The following CFAP58 variants were observed in gnomAD, a reference collection of about 807,000 sequenced individuals.
CFAP58 encodes cilia- and flagella-associated protein 58.
A neutral mutation model predicts 119.5 loss-of-function variants in CFAP58; 88 were observed. The ratio of observed to expected loss-of-function variants is 0.74; its 90% CI spans 0.62 to 0.88. CFAP58 has a LOEUF of 0.88. Among genes scored for constraint, CFAP58 ranks in the 40% least tolerant of loss-of-function variants. The probability of loss-of-function intolerance (pLI) is 0.00; values close to 1 mark genes in which losing one functional copy is unlikely to be tolerated. For synonymous variants in CFAP58, 365 were observed against 366.3 expected (o/e 1.00, Z 0.04); for missense variants, 990 against 1,021.2 (o/e 0.97, Z 0.42).
At chr10:104,389,346 C>T (rs1419547806) in intron 9 of CFAP58, among the ~76,000 whole-genome samples, 2 of 152,198 alleles carry the variant, frequency 1.3e-5, no homozygotes, top group Non-Finnish European at 2.9e-5. Context: ...TGCAGAAAGA[C>T]AGACCATGCT....
rs970294253 is a variant in CFAP58, at chr10:104,410,942, C to T, written c.2256+4149C>T. ...CTTTATCTCTATTTATTTATTTATT[C>T]ATTTATTTATTTTTTGAGATGGAGT... On this transcript the variant is annotated intron_variant, in intron 15 of 17. Coordinates refer to ENST00000369704, the MANE Select transcript of CFAP58 (RefSeq NM_001008723.2). 6.0e-5 allele frequency among the ~76,000 whole-genome samples: 9 copies of T among 150,890 alleles called. No homozygotes were observed. The South Asian group carries it at 1.3e-3, about 21-fold the overall frequency.
At chr10:104,394,036 C>T (rs1319034077) in intron 11 of CFAP58, among the ~76,000 whole-genome samples, 1 of 152,218 alleles carries the variant, frequency 6.6e-6, no homozygotes, top group Non-Finnish European at 1.5e-5. Context: ...AACTTTGCAG[C>T]TGCTCTTCCA....
chr10:104,436,740 G>A lies in CFAP58; in HGVS notation c.2257-10958G>A, dbSNP rs115110098. 5.5e-3 allele frequency among the ~76,000 whole-genome samples: 838 copies of A among 152,142 alleles called. 10 individuals carry two copies. The highest frequency in any genetic ancestry group is 0.019 in the African/African-American group (781 of 41,476). On this transcript the variant is annotated intron_variant, in intron 15 of 17. Transcript: ENST00000369704. ...TGAGATTGGGTCAGGGACAAATATC[G>A]AAACTATATCAGCTTCTAACTGCCT...
intron 15 of CFAP58, among the ~76,000 whole-genome samples, chr10:104,424,821 G>A (rs1263379959): frequency 6.6e-6 from 1 of 152,210 alleles, no homozygotes; most frequent in Non-Finnish European, 1.5e-5. Context: ...GAGCAGGGGA[G>A]ATGAGTAAGA....
chr10:104,356,953 C>T (rs989327893), intron 1 of CFAP58, among the ~76,000 whole-genome samples: 6 of 152,168 alleles, frequency 3.9e-5, no homozygotes, highest in African/African-American at 1.4e-4. Context: ...ACCCATTCTT[C>T]TTCATTATTA....
intron 15 of CFAP58, among the ~76,000 whole-genome samples, chr10:104,440,755 T>C (rs2013024054): frequency 6.6e-6 from 1 of 152,182 alleles, no homozygotes; most frequent in African/African-American, 2.4e-5. Flanking sequence ...AATTTGTCCT[T>C]TGATAGTGAA....
chr10:104,370,795 A>G, intron 6 of CFAP58, 100 bp from the exon 7 acceptor site: 2 of 1,095,358 alleles, frequency 1.8e-6, no homozygotes, highest in South Asian at 1.9e-5. Flanking sequence ...TTAAAATGCC[A>G]TGGGAAGAAT....
chr10:104,435,371 A>T (rs761611056), intron 15 of CFAP58, among the ~76,000 whole-genome samples: 1 of 152,180 alleles, frequency 6.6e-6, no homozygotes, highest in Non-Finnish European at 1.5e-5. Flanking sequence ...GTATTCAGCT[A>T]CTTGGGAGGC....
intron 2 of CFAP58, among the ~76,000 whole-genome samples, chr10:104,360,318 G>C (rs948982566): frequency 2.6e-5 from 4 of 152,130 alleles, no homozygotes; most frequent in Admixed American, 2.6e-4. Flanking sequence ...AGGCTTAATT[G>C]GTTCATGGTT....
At chr10:104,358,715 T>C in intron 2 of CFAP58, 93 bp downstream of exon 2, 1 of 1,152,944 alleles carries the variant, frequency 8.7e-7, no homozygotes, top group Non-Finnish European at 1.2e-6. Context: ...AATGAGTTAT[T>C]AGGTAAAAAT....
intron 15 of CFAP58, among the ~76,000 whole-genome samples, chr10:104,412,016 A>G (rs1314282708): frequency 2.0e-5 from 3 of 152,146 alleles, no homozygotes; most frequent in Non-Finnish European, 4.4e-5. Context: ...TGCAATATAT[A>G]TCTATTCACT....
At chr10:104,394,652 T>C (rs1303643900) in intron 11 of CFAP58, among the ~76,000 whole-genome samples, 1 of 152,232 alleles carries the variant, frequency 6.6e-6, no homozygotes, top group Non-Finnish European at 1.5e-5. Context: ...ACAAAAAAGA[T>C]ATTGTAACTG....
intron 16 of CFAP58, among the ~76,000 whole-genome samples, chr10:104,448,711 A>G (rs2013149026): frequency 6.6e-6 from 1 of 152,260 alleles, no homozygotes; most frequent in African/African-American, 2.4e-5. Context: ...AAATGAAACA[A>G]GTCTAATTAG....
chr10:104,423,823 G>C (rs547789840), intron 15 of CFAP58, among the ~76,000 whole-genome samples: 4 of 152,134 alleles, frequency 2.6e-5, no homozygotes, highest in Non-Finnish European at 4.4e-5. Flanking sequence ...ACAAGGACCC[G>C]GGGGAGTCCT....
intron 15 of CFAP58, 104 bp from the exon 16 acceptor site, chr10:104,447,581 TGTGGAGCTGTGAA>T: frequency 8.2e-7 from 1 of 1,215,596 alleles, no homozygotes; most frequent in South Asian, 1.4e-5. Flanking sequence ...ATGTGATCAC[TGTGGAGCTGTGAA>T]GTAGCTTGGG....
At chr10:104,442,587 C>CAAAA (rs1210585369) in intron 15 of CFAP58, among the ~76,000 whole-genome samples, 1 of 65,558 alleles carries the variant, frequency 1.5e-5, no homozygotes, top group Non-Finnish European at 3.2e-5. Flanking sequence ...GACTCCATTT[C>CAAAA]AAAAAAAAAA....
chr10:104,358,002 T>G (rs150522818), intron 1 of CFAP58, among the ~76,000 whole-genome samples: 2 of 133,148 alleles, frequency 1.5e-5, no homozygotes, highest in African/African-American at 5.8e-5. Context: ...TATGTACACA[T>G]ATATACACAT....
chr10:104,358,696 C>A, intron 2 of CFAP58, 74 bp downstream of exon 2: 2 of 1,377,704 alleles, frequency 1.5e-6, no homozygotes, highest in Non-Finnish European at 2.0e-6. Flanking sequence ...CACCTCTAGG[C>A]TGGTAGTAAA....
chr10:104,400,868 T>A lies in CFAP58; in HGVS notation c.2004T>A (p.Ile668=). The A allele has an allele frequency of 6.2e-7, 1 of 1,614,170 alleles. No homozygotes were observed. The highest frequency in any genetic ancestry group is 8.5e-7 in the Non-Finnish European group (1 of 1,180,018). ...AGAAGCTTCGCCGGGAAAAGGGGAT[T>A]CTTGCCAGGAGTATGGCTAATGTTG... ...EIKKLRREKG[I]LARSMANVEE... The change falls in exon 13 of 18, where the codon ATT becomes ATA. Residue 668 remains isoleucine (I), a synonymous_variant. Coordinates refer to ENST00000369704, the MANE Select transcript of CFAP58 (RefSeq NM_001008723.2).
Sources: allele counts gnomAD v4.1 joint callset (sites outside exome capture counted in the v4.1 genomes callset), GRCh38; gene constraint gnomAD v4.1.1; transcripts MANE v1.5; gene names NCBI Gene and HGNC (gene_info 2026-07-23, HGNC 2026-07-21).